TGFBR3L: variants seen among roughly 807,000 people sequenced by gnomAD.
The protein encoded by TGFBR3L is transforming growth factor beta receptor 3 like.
TGFBR3L carries 21 observed loss-of-function variants against 20.4 expected under a neutral mutation model. The ratio of observed to expected loss-of-function variants is 1.03; its 90% CI spans 0.73 to 1.48. TGFBR3L has a LOEUF of 1.48. Among genes scored for constraint, TGFBR3L ranks in the 40% most tolerant of loss-of-function variants. The probability of loss-of-function intolerance (pLI) is 0.00; values close to 1 mark genes in which losing one functional copy is unlikely to be tolerated. For missense variants in TGFBR3L, 479 were observed against 498.0 expected, an observed-to-expected ratio of 0.96 and a Z score of 0.36; for synonymous variants, 245 against 244.2, an observed-to-expected ratio of 1.00 and a Z score of -0.03.
chr19:7,918,548 T>A (rs1311748225), intron 5 of TGFBR3L: 1 of 286,804 alleles, frequency 3.5e-6, no homozygotes, highest in African/African-American at 2.2e-5. Context: ...CAGGCACTGT[T>A]GTAAATGTTT....
Position 7,916,172 on chromosome 19 carries a change from T to A in TGFBR3L, c.-96T>A. 1 of 1,462,356 alleles carries A rather than the reference T, an allele frequency of 6.8e-7. No individual in the cohort carries two copies. Among genetic ancestry groups the A allele is most frequent in the Non-Finnish European group, 9.0e-7 (1 of 1,109,582 alleles). The allele number at this position is 1,462,356 out of a possible 1,614,324, so 90.6% of individuals were successfully genotyped here. A position where few individuals can be genotyped will look rare whatever the true frequency, so the allele number is the denominator to read the frequency against. On this transcript the variant is annotated 5_prime_UTR_variant, in exon 1 of 6. Transcript: ENST00000565886. Reference sequence around the variant, plus strand: ...CTTCGGAGGCTTCTCTAGGGGCGCATGGCTCTGCAACCGGCTCAGTTGCTG... The same window carrying A: ...CTTCGGAGGCTTCTCTAGGGGCGCAAGGCTCTGCAACCGGCTCAGTTGCTG...
chr19:7,915,227 G>A lies in TGFBR3L; in HGVS notation c.-1041G>A, dbSNP rs1011344282. On this transcript the variant is annotated 5_prime_UTR_variant, in exon 1 of 6. Coordinates refer to ENST00000565886, the MANE Select transcript of TGFBR3L (RefSeq NM_001195259.2). ...TGACCTCAGGCGATCCGCCCGCCTC[G>A]AACTTTTCAAAGTGCTGGGATTACA... is the stretch of plus-strand genomic sequence containing the variant. 1.1e-4 allele frequency among the ~76,000 whole-genome samples: 17 copies of A among 152,104 alleles called. No individual in the cohort carries two copies. Among genetic ancestry groups the A allele is most frequent in the African/African-American group, 3.1e-4 (13 of 41,484 alleles).
chr19:7,917,626 G>A (rs994262134), intron 3 of TGFBR3L, 27 bp downstream of exon 4: 2 of 1,436,202 alleles, frequency 1.4e-6, no homozygotes, highest in African/African-American at 1.5e-5. Context: ...CCTCCGCATG[G>A]GGCCGTGGGG....
chr19:7,918,057 C>T lies in TGFBR3L; in HGVS notation c.884C>T (p.Ala295Val), dbSNP rs1296911973. ...TCTGCAGCTCGCCTCTCCCTTCCAG[C>T]GCCCCACGCCCCTGGCCCGCCCGCG... The change falls in exon 5 of 6, where the codon GCG becomes GTG. Residue 295 changes from alanine to valine, a missense_variant and splice_region_variant. By Grantham distance (64) the Ala-to-Val change is moderately conservative (BLOSUM62 0). Coordinates refer to ENST00000565886, the MANE Select transcript of TGFBR3L (RefSeq NM_001195259.2). The T allele has an allele frequency of 6.5e-7, 1 of 1,533,910 alleles. No individual in the cohort carries two copies.
rs1158062552 is a variant in TGFBR3L at position 7,916,762 on chromosome 19, G to GCCA, written c.420_422dup (p.Pro144dup). On this transcript the variant is annotated inframe_insertion, in exon 2 of 6. Coordinates refer to ENST00000565886, the MANE Select transcript of TGFBR3L (RefSeq NM_001195259.2). ...CCGCCGACACCTCTGTCGCCTTCCCGCCACCGCCGCCGCCGAGCCCGGGTG... is the reference window on the plus strand; with the variant it reads ...CCGCCGACACCTCTGTCGCCTTCCCGCCACCACCGCCGCCGCCGAGCCCGGGTG... 6 of 1,488,028 alleles carry GCCA rather than the reference G, an allele frequency of 4.0e-6. No homozygotes were observed. Among genetic ancestry groups the GCCA allele is most frequent in the Admixed American group, 4.3e-5 (2 of 46,010 alleles). The allele number at this position is 1,488,028 out of a possible 1,614,324, so 92.2% of individuals were successfully genotyped here. A position where few individuals can be genotyped will look rare whatever the true frequency, so the allele number is the denominator to read the frequency against.
In TGFBR3L at chr19:7,916,913, ACGC is replaced by A. The variant is rs532844274; in HGVS notation, c.588_590del (p.Pro197del). 2.2e-3 allele frequency: 2,926 copies of A among 1,305,142 alleles called. 7 individuals carry two copies. The highest frequency in any genetic ancestry group is 2.6e-3 in the Non-Finnish European group (2,715 of 1,034,766). The allele number at this position is 1,305,142 out of a possible 1,614,324, so 80.8% of individuals were successfully genotyped here. A position where few individuals can be genotyped will look rare whatever the true frequency, so the allele number is the denominator to read the frequency against. ...AGTCCGCCGGGCGCCTGCGCCTCTG[ACGC>A]CGCCGCCGCCGCCGCCGCCATCGCG... is the stretch of plus-strand genomic sequence containing the variant. On this transcript the variant is annotated inframe_deletion, in exon 2 of 6. Transcript: ENST00000565886.
At chr19:7,917,407 G>T in intron 2 of TGFBR3L, 66 bp from the exon 4 acceptor site, 1 of 1,488,548 alleles carries the variant, frequency 6.7e-7, no homozygotes, top group Non-Finnish European at 8.9e-7. Flanking sequence ...TGGGGGCCCT[G>T]GGGACCAGAG....
At position 7,916,575 on chromosome 19, in the gene TGFBR3L, G is replaced by A. The variant is rs986659099; in HGVS notation, c.276+32G>A. ...ACCCCGGGGACACCAGGGGCGGATGGGGGCCGGTGGGGACGGGCGATCCCT... is the reference window on the plus strand; with the variant it reads ...ACCCCGGGGACACCAGGGGCGGATGAGGGCCGGTGGGGACGGGCGATCCCT... On this transcript the variant is annotated intron_variant, in intron 1 of 5. Coordinates refer to ENST00000565886, the MANE Select transcript of TGFBR3L (RefSeq NM_001195259.2). The A allele has an allele frequency of 1.0e-5, 15 of 1,442,294 alleles. No homozygotes were observed. In the East Asian group the frequency reaches 3.9e-4, roughly 37 times the overall value. 89.3% of individuals were successfully genotyped at this position (1,442,294 alleles called of 1,614,324 possible).
rs1983440388 is a variant in TGFBR3L, at chr19:7,918,766, G to C, written c.*6-151G>C. ...TCGAGCCAGGGGCATTAGGTGAGGA[G>C]AGGCACTAGGCGAGGAGAACTCAGC... On this transcript the variant is annotated intron_variant, in intron 5 of 5. Coordinates refer to ENST00000565886, the MANE Select transcript of TGFBR3L (RefSeq NM_001195259.2). 4.0e-5 allele frequency: 16 copies of C among 397,096 alleles called. No homozygotes were observed. The East Asian group carries it at 5.7e-4, about 14-fold the overall frequency. The allele number at this position is 397,096 out of a possible 1,614,324, so 24.6% of individuals were successfully genotyped here.
rs1374751489 is a variant in TGFBR3L at position 7,916,875 on chromosome 19, G to A, written c.530G>A (p.Arg177His). ...CTGCACTGCCAGCTGAGCCGCTGCC[G>A]CCGCCTCCGGGGAGTCCGCCGGGCG... Residue 177 changes from arginine (R) to histidine (H), a missense_variant, in exon 2 of 6, where the codon CGC (arginine) becomes CAC (histidine). Arg to His is a conservative substitution (Grantham distance 29). Transcript: ENST00000565886. 6 of 1,382,468 alleles carry A rather than the reference G, an allele frequency of 4.3e-6. No homozygotes were observed. Among genetic ancestry groups the A allele is most frequent in the Non-Finnish European group, 5.6e-6 (6 of 1,068,152 alleles). 85.6% of individuals were successfully genotyped at this position (1,382,468 alleles called of 1,614,324 possible).
chr19:7,918,068 C>T lies in TGFBR3L; in HGVS notation c.895C>T (p.Pro299Ser). ...CCTCTCCCTTCCAGCGCCCCACGCC[C>T]CTGGCCCGCCCGCGAGAGCCTCGCC... The change falls in exon 5 of 6, where the codon CCT (proline) becomes TCT (serine). Residue 299 changes from proline (P) to serine (S), a missense_variant. By Grantham distance (74) the Pro-to-Ser change is moderately conservative. Transcript: ENST00000565886. 2.0e-6 allele frequency: 3 copies of T among 1,535,708 alleles called. No individual in the cohort carries two copies. The highest frequency in any genetic ancestry group is 2.6e-6 in the Non-Finnish European group (3 of 1,146,710).
Position 7,916,511 on chromosome 19 carries a change from G to A in TGFBR3L, c.244G>A (p.Glu82Lys). Reference sequence around the variant, plus strand: ...CTTTCCTCGCCGCGCGGGGCCGCTCGAGGTCCCGGCCGACAGCCGCGTGTT... The same window carrying A: ...CTTTCCTCGCCGCGCGGGGCCGCTCAAGGTCCCGGCCGACAGCCGCGTGTT... Residue 82 changes from glutamate to lysine, a missense_variant, in exon 1 of 6, where the codon GAG becomes AAG. Physicochemically the swap from Glu to Lys is moderately conservative, Grantham distance 56. Coordinates refer to ENST00000565886, the MANE Select transcript of TGFBR3L (RefSeq NM_001195259.2). 4 of 1,515,110 alleles carry A rather than the reference G, an allele frequency of 2.6e-6. No homozygotes were observed. The highest frequency in any genetic ancestry group is 3.5e-6 in the Non-Finnish European group (4 of 1,134,050). The allele number at this position is 1,515,110 out of a possible 1,614,324, so 93.9% of individuals were successfully genotyped here.
At chr19:7,918,667 A>G (rs137925576) in intron 5 of TGFBR3L, 75 of 381,084 alleles carry the variant, frequency 2.0e-4, no homozygotes, top group Middle Eastern at 1.3e-3. Flanking sequence ...TAACTTGTCA[A>G]AAGTCACAAT....
Position 7,915,060 on chromosome 19 carries a change from C to T in TGFBR3L, c.-1208C>T, listed in dbSNP as rs1159606526. 1.3e-5 allele frequency among the ~76,000 whole-genome samples: 2 copies of T among 152,122 alleles called. No homozygotes were observed. Among genetic ancestry groups the T allele is most frequent in the East Asian group, 3.8e-4 (2 of 5,200 alleles). On this transcript the variant is annotated 5_prime_UTR_variant, in exon 1 of 6. Transcript: ENST00000565886. ...CGCAATCTCCACTCACCGCAACCTCCGCCTCCCCGGTTCAAGTGATTCTCC... is the reference window on the plus strand; with the variant it reads ...CGCAATCTCCACTCACCGCAACCTCTGCCTCCCCGGTTCAAGTGATTCTCC...
chr19:7,917,115 C>A, intron 2 of TGFBR3L, 173 bp downstream of exon 3: 1 of 1,054,412 alleles, frequency 9.5e-7, no homozygotes, highest in Non-Finnish European at 1.2e-6. Context: ...ACAGTGTGGA[C>A]ACTGGGTTCC....
In TGFBR3L at chr19:7,917,461, C is replaced by G; in HGVS notation, c.598-12C>G. 2.0e-6 allele frequency: 3 copies of G among 1,522,618 alleles called. No individual in the cohort carries two copies. The highest frequency in any genetic ancestry group is 2.6e-6 in the Non-Finnish European group (3 of 1,141,374). 94.3% of individuals were successfully genotyped at this position (1,522,618 alleles called of 1,614,324 possible). A position where few individuals can be genotyped will look rare whatever the true frequency, so the allele number is the denominator to read the frequency against. ...GATGTCCCCGTCTCTTCCCCACCTT[C>G]CTCTCCCCCAGTGTCTGCCTCAGGA... On this transcript the variant is annotated splice_polypyrimidine_tract_variant and intron_variant, in intron 2 of 5. Transcript: ENST00000565886.
chr19:7,916,699 C>A lies in TGFBR3L; in HGVS notation c.354C>A (p.Ala118=). 1 of 1,448,126 alleles carries A rather than the reference C, an allele frequency of 6.9e-7. No individual in the cohort carries two copies. Among genetic ancestry groups the A allele is most frequent in the Non-Finnish European group, 9.0e-7 (1 of 1,109,672 alleles). 89.7% of individuals were successfully genotyped at this position (1,448,126 alleles called of 1,614,324 possible). Residue 118 remains alanine, a synonymous_variant, in exon 2 of 6, where the codon GCC becomes GCA. Transcript: ENST00000565886. ...CAGTGACGCCGTCCTCACGCCCGGC[C>A]CCGGGGCCCGCCCTGGCTCTGCTGC...
rs1314140656 is a variant in TGFBR3L, at chr19:7,916,197, G to A, written c.-71G>A. ...TGGCTCTGCAACCGGCTCAGTTGCT[G>A]GGCTGTGCGAGTCCCAGGGGTCGCC... On this transcript the variant is annotated 5_prime_UTR_variant, in exon 1 of 6. Transcript: ENST00000565886. 6.7e-7 allele frequency: 1 copy of A among 1,492,190 alleles called. No individual in the cohort carries two copies. The highest frequency in any genetic ancestry group is 1.4e-5 in the African/African-American group (1 of 72,046). The allele number at this position is 1,492,190 out of a possible 1,614,324, so 92.4% of individuals were successfully genotyped here.
intron 2 of TGFBR3L, 58 bp from the exon 4 acceptor site, chr19:7,917,415 G>C: frequency 2.0e-6 from 3 of 1,498,638 alleles, no homozygotes; most frequent in Non-Finnish European, 2.7e-6. Flanking sequence ...CTGGGGACCA[G>C]AGCCACGATC....
Sources: allele counts gnomAD v4.1 joint callset (sites outside exome capture counted in the v4.1 genomes callset), GRCh38; gene constraint gnomAD v4.1.1; transcripts MANE v1.5; gene names NCBI Gene and HGNC (gene_info 2026-07-23, HGNC 2026-07-21).